Variants in SERPINI2 observed in about 807,000 individuals in gnomAD.
SERPINI2 encodes serpin I2.
A neutral mutation model predicts 47.3 loss-of-function variants in SERPINI2; 48 were observed. The observed-to-expected ratio is 1.02, with a 90% CI of 0.81 to 1.29. The LOEUF is 1.29. Ranked by LOEUF, SERPINI2 falls within the 50% of genes most tolerant of loss-of-function variation. The pLI is 0.00. For synonymous variants in SERPINI2, 135 were observed against 149.3 expected, an observed-to-expected ratio of 0.90 and a Z score of 0.70; for missense variants, 448 against 456.9, an observed-to-expected ratio of 0.98 and a Z score of 0.18.
At chr3:167,465,926 A>C (rs1373848020) in intron 3 of SERPINI2, among the ~76,000 whole-genome samples, 1 of 152,100 alleles carries the variant, frequency 6.6e-6, no homozygotes, top group Non-Finnish European at 1.5e-5. Context: ...ATATACCTAG[A>C]CTCTCCAATA....
At chr3:167,469,023 G>A (rs780065151) in intron 2 of SERPINI2, among the ~76,000 whole-genome samples, 2 of 152,140 alleles carry the variant, frequency 1.3e-5, no homozygotes, top group African/African-American at 2.4e-5. Flanking sequence ...GTGACAAACA[G>A]CTGCCCTTTG....
chr3:167,442,207 A>T (rs1466853246), intron 8 of SERPINI2, 22 bp from the exon 9 acceptor site: 5 of 1,532,656 alleles, frequency 3.3e-6, no homozygotes, highest in Non-Finnish European at 4.4e-6. Flanking sequence ...AAAACAAAAA[A>T]ATATACTTTA....
chr3:167,459,384 T>C (rs1409109903), intron 5 of SERPINI2, among the ~76,000 whole-genome samples: 1 of 152,086 alleles, frequency 6.6e-6, no homozygotes, highest in Non-Finnish European at 1.5e-5. Flanking sequence ...CCAAAGGAAG[T>C]TTTATTACTA....
At chr3:167,465,134 T>C in intron 5 of SERPINI2, 72 bp downstream of exon 5, 4 of 1,326,538 alleles carry the variant, frequency 3.0e-6, no homozygotes, top group Admixed American at 2.3e-5. Flanking sequence ...ATTTGTTACC[T>C]TTCAGCTGAC....
At chr3:167,463,406 A>C (rs1353573423) in intron 5 of SERPINI2, among the ~76,000 whole-genome samples, 2 of 152,016 alleles carry the variant, frequency 1.3e-5, no homozygotes, top group African/African-American at 4.8e-5. Context: ...CCAGAATAAC[A>C]GGGATATTTC....
chr3:167,465,252 A>G (rs758623001), exon 5 of SERPINI2: 1 of 1,612,294 alleles, frequency 6.2e-7, no homozygotes, highest in South Asian at 1.1e-5. Context: ...TCAGAGAGCC[A>G]TTTTAGGATT....
upstream of SERPINI2, among the ~76,000 whole-genome samples, chr3:167,476,512 A>G (rs1226394785): frequency 6.6e-6 from 1 of 152,060 alleles, no homozygotes; most frequent in East Asian, 1.9e-4. Flanking sequence ...GCATAATACC[A>G]TGCACATGTA....
At chr3:167,459,359 C>A (rs1350772536) in intron 5 of SERPINI2, among the ~76,000 whole-genome samples, 1 of 152,082 alleles carries the variant, frequency 6.6e-6, no homozygotes, top group Non-Finnish European at 1.5e-5. Context: ...CAGGCGTGAG[C>A]CACCGCGCCC....
At chr3:167,449,341 A>G in exon 7 of SERPINI2, 1 of 1,613,048 alleles carries the variant, frequency 6.2e-7, no homozygotes, top group Non-Finnish European at 8.5e-7. Flanking sequence ...CTTCACTACC[A>G]TCTTCATTTA....
Position 167,470,550 on chromosome 3 carries a change from C to CTTTTTTTTTTTT in SERPINI2, c.247+1026_247+1037dup, listed in dbSNP as rs536884425. 3.4e-3 allele frequency among the ~76,000 whole-genome samples: 315 copies of CTTTTTTTTTTTT among 93,018 alleles called. 46 individuals are homozygous for CTTTTTTTTTTTT. Among genetic ancestry groups the CTTTTTTTTTTTT allele is most frequent in the African/African-American group, 0.017 (301 of 17,612 alleles). The allele number at this position is 93,018 out of a possible 152,430, so 61.0% of individuals were successfully genotyped here. A position where few individuals can be genotyped will look rare whatever the true frequency, so the allele number is the denominator to read the frequency against. On this transcript the variant is annotated intron_variant, in intron 2 of 8. Coordinates refer to ENST00000264677, the Ensembl canonical transcript of SERPINI2. ...AGATAGCTGAGGAGATGAGCAACAA[C>CTTTTTTTTTTTT]TTTTTTTTTTTTTTTTTTTTTTTTT... is the stretch of plus-strand genomic sequence containing the variant.
chr3:167,442,043 T>C (rs9864094), exon 9 of SERPINI2: 144,481 of 1,240,674 alleles, frequency 0.12, 13,092 homozygotes, highest in African/African-American at 0.39. Context: ...ATTGTCAAGA[T>C]GACGATATTT....
chr3:167,469,522 C>G (rs1056783841), intron 2 of SERPINI2: 1 of 152,150 alleles, frequency 6.6e-6, no homozygotes, highest in African/African-American at 2.4e-5. Flanking sequence ...TGCCAAATCA[C>G]AAGGTCATTT....
chr3:167,463,643 G>A (rs931797278), intron 5 of SERPINI2, among the ~76,000 whole-genome samples: 1 of 152,166 alleles, frequency 6.6e-6, no homozygotes, highest in Non-Finnish European at 1.5e-5. Flanking sequence ...GATGAGAGAA[G>A]TAGAGGATAC....
At chr3:167,450,297 G>T (rs1749606680) in intron 6 of SERPINI2, among the ~76,000 whole-genome samples, 1 of 152,170 alleles carries the variant, frequency 6.6e-6, no homozygotes, top group African/African-American at 2.4e-5. Context: ...TTCTGGTGTG[G>T]ATATGAGCTG....
chr3:167,458,294 A>C (rs1448632701), intron 5 of SERPINI2, among the ~76,000 whole-genome samples: 1 of 126,180 alleles, frequency 7.9e-6, no homozygotes, highest in Non-Finnish European at 1.6e-5. Context: ...TCTGTCGCCC[A>C]GGCTGGAGTG....
At chr3:167,452,554 T>C (rs1377713423) in intron 6 of SERPINI2, among the ~76,000 whole-genome samples, 3 of 152,224 alleles carry the variant, frequency 2.0e-5, no homozygotes, top group African/African-American at 4.8e-5. Context: ...TATTAGTGAA[T>C]TAACATTTGC....
chr3:167,449,407 T>C lies in SERPINI2; in HGVS notation c.965-5A>G, dbSNP rs756117045. On this transcript the variant is annotated splice_polypyrimidine_tract_variant and splice_region_variant and intron_variant, in intron 6 of 8. Coordinates refer to ENST00000264677, the Ensembl canonical transcript of SERPINI2. ...AAACATACACTTCAGATGAATCTGG[T>C]TAAAAAAAAATACACAAAAGTGTAT... The C allele has an allele frequency of 6.3e-7, 1 of 1,585,788 alleles. No individual in the cohort carries two copies.
chr3:167,446,023 C>A (rs1749468514), intron 8 of SERPINI2, among the ~76,000 whole-genome samples: 1 of 152,176 alleles, frequency 6.6e-6, no homozygotes, highest in African/African-American at 2.4e-5. Flanking sequence ...TGGCATCATA[C>A]ACAGACAGTT....
chr3:167,448,648 G>C (rs968449031), intron 7 of SERPINI2, among the ~76,000 whole-genome samples: 1 of 152,042 alleles, frequency 6.6e-6, no homozygotes, highest in African/African-American at 2.4e-5. Flanking sequence ...TCAGCCTCCC[G>C]AGTAGCTGGG....
Sources: gnomAD v4.1 joint callset for allele counts (sites outside exome capture counted in the v4.1 genomes callset) on GRCh38, gnomAD v4.1.1 for gene constraint, MANE v1.5 for transcripts, NCBI Gene and HGNC (gene_info 2026-07-23, HGNC 2026-07-21) for gene names.